Variants in AGMO observed in about 807,000 individuals in gnomAD.
AGMO encodes the protein alkylglycerol monooxygenase, also known as glyceryl-ether monooxygenase.
In AGMO, 75 loss-of-function variants were observed where a neutral mutation model predicts 60.2. That is an observed-to-expected ratio of 1.25 (90% CI 1.03 to 1.51). The LOEUF is 1.51. Among genes scored for constraint, AGMO ranks in the 40% most tolerant of loss-of-function variants. The probability of loss-of-function intolerance (pLI) is 0.00; values close to 1 mark genes in which losing one functional copy is unlikely to be tolerated. For missense variants in AGMO, 763 were observed against 525.5 expected (o/e 1.45, Z -4.42); for synonymous variants, 261 against 177.1 (o/e 1.47, Z -3.76).
At chr7:15,342,655 G>A (rs144467287) in intron 12 of AGMO, among the ~76,000 whole-genome samples, 14 of 151,634 alleles carry the variant, frequency 9.2e-5, no homozygotes, top group East Asian at 1.9e-4. Context: ...GATTTTGCGC[G>A]CGTGTGTGTG....
chr7:15,371,035 G>C (rs1009762799), intron 10 of AGMO, among the ~76,000 whole-genome samples: 2 of 152,094 alleles, frequency 1.3e-5, no homozygotes, highest in Non-Finnish European at 2.9e-5. Context: ...TATTCAGTAA[G>C]TGGTAGAGGG....
intron 12 of AGMO, among the ~76,000 whole-genome samples, chr7:15,316,970 A>T (rs1234500786): frequency 6.6e-6 from 1 of 152,178 alleles, no homozygotes; most frequent in Non-Finnish European, 1.5e-5. Context: ...GCTCTCTGTA[A>T]TTGGCAGGAT....
intron 9 of AGMO, 47 bp from the exon 10 acceptor site, chr7:15,385,609 T>C (rs1430283371): frequency 9.3e-7 from 1 of 1,079,970 alleles, no homozygotes; most frequent in African/African-American, 1.6e-5. Flanking sequence ...AGACTCATTT[T>C]TCTTACTGAA....
chr7:15,199,544 C>CA (rs1781219823), downstream of AGMO, among the ~76,000 whole-genome samples: 1 of 152,030 alleles, frequency 6.6e-6, no homozygotes, highest in Non-Finnish European at 1.5e-5. Context: ...TAAAGATTAG[C>CA]AAAAAGTCTC....
intron 3 of AGMO, among the ~76,000 whole-genome samples, chr7:15,520,876 A>G (rs879416003): frequency 3.3e-5 from 5 of 152,204 alleles, no homozygotes; most frequent in Admixed American, 2.6e-4. Context: ...ATATAAAGAC[A>G]TGATAAATCC....
At chr7:15,450,356 C>G (rs1340564741) in intron 3 of AGMO, among the ~76,000 whole-genome samples, 31 of 150,352 alleles carry the variant, frequency 2.1e-4, no homozygotes, top group Non-Finnish European at 2.7e-4. Flanking sequence ...GGGGGCAGAG[C>G]TTGCAGTGAG....
intron 5 of AGMO, among the ~76,000 whole-genome samples, chr7:15,414,382 T>C (rs1780698808): frequency 6.6e-6 from 1 of 152,100 alleles, no homozygotes. Context: ...TGAATTATAT[T>C]ACTATAAAAG....
intron 12 of AGMO, 85 bp from the exon 13 acceptor site, chr7:15,201,444 G>A (rs946525733): frequency 1.4e-5 from 14 of 972,610 alleles, no homozygotes; most frequent in African/African-American, 6.6e-5. Context: ...TTTCCCTAGA[G>A]GAAAATGAAC....
the AGMO span, among the ~76,000 whole-genome samples, chr7:15,138,192 T>G: frequency 6.6e-6 from 1 of 152,212 alleles, no homozygotes; most frequent in Admixed American, 6.5e-5. Flanking sequence ...TTAGCTTGCA[T>G]AACTGTTACT....
At chr7:15,472,799 C>T (rs1030627725) in intron 3 of AGMO, among the ~76,000 whole-genome samples, 1 of 151,788 alleles carries the variant, frequency 6.6e-6, no homozygotes, top group Admixed American at 6.6e-5. Context: ...AATAGTCTAT[C>T]GTTTTATGTG....
At chr7:15,539,445 T>C (rs943632718) in intron 3 of AGMO, among the ~76,000 whole-genome samples, 4 of 148,532 alleles carry the variant, frequency 2.7e-5, no homozygotes, top group African/African-American at 7.4e-5. Context: ...TCCAACTCTA[T>C]CCATGTTGCT....
chr7:15,344,244 ATATT>A (rs770415563), intron 12 of AGMO, among the ~76,000 whole-genome samples: 20 of 152,190 alleles, frequency 1.3e-4, no homozygotes, highest in Non-Finnish European at 2.1e-4. Flanking sequence ...TGTAATTACA[ATATT>A]TATGTACCAA....
chr7:15,278,589 A>C (rs189255195), intron 12 of AGMO, among the ~76,000 whole-genome samples: 4 of 152,250 alleles, frequency 2.6e-5, no homozygotes, highest in Admixed American at 2.6e-4. Flanking sequence ...AGCGCGTTTC[A>C]CTGGAAAAGG....
At chr7:15,525,472 C>G (rs1323946516) in intron 3 of AGMO, among the ~76,000 whole-genome samples, 1 of 152,096 alleles carries the variant, frequency 6.6e-6, no homozygotes, top group African/African-American at 2.4e-5. Context: ...TTTGCATACT[C>G]ACAAACCAAT....
At chr7:15,199,768 G>A (rs572729489), downstream of AGMO, among the ~76,000 whole-genome samples, 5 of 152,238 alleles carry the variant, frequency 3.3e-5, no homozygotes, top group Admixed American at 6.5e-5. Flanking sequence ...ATAGGCTTAC[G>A]TATTGTCTAT....
At chr7:15,198,215 G>A (rs995779418), downstream of AGMO, among the ~76,000 whole-genome samples, 1,492 of 97,744 alleles carry the variant, frequency 0.015, 47 homozygotes, top group African/African-American at 0.083. Flanking sequence ...GAGAGAGAGA[G>A]AGAGAGAGAG....
intron 1 of AGMO, 43 bp from the exon 2 acceptor site, chr7:15,560,314 A>G: frequency 6.3e-7 from 1 of 1,580,294 alleles, no homozygotes. Context: ...TATGTTCCAT[A>G]TGAAATTATT....
rs1782937768 is a variant in AGMO, at chr7:15,365,494, T to TA, written c.1263+19dup. ...CGATAGGTATACGCCATCCTGTGGC[T>TA]ACCTAAACAAATGTCTTACCTCAAA... On this transcript the variant is annotated intron_variant, in intron 12 of 12. Transcript: ENST00000342526. The TA allele has an allele frequency of 7.7e-6, 12 of 1,559,438 alleles. No individual in the cohort carries two copies. The highest frequency in any genetic ancestry group is 1.7e-5 in the Admixed American group (1 of 59,334).
chr7:15,144,177 T>C, the AGMO span, among the ~76,000 whole-genome samples: 2 of 151,984 alleles, frequency 1.3e-5, no homozygotes, highest in African/African-American at 4.8e-5. Context: ...ATTCTGTGGG[T>C]TTTTTTTCTT....
Sources: gnomAD v4.1 joint callset for allele counts (sites outside exome capture counted in the v4.1 genomes callset) on GRCh38, gnomAD v4.1.1 for gene constraint, MANE v1.5 for transcripts, NCBI Gene and HGNC (gene_info 2026-07-23, HGNC 2026-07-21) for gene names.